The following EYS variants were observed in gnomAD, a reference collection of about 807,000 sequenced individuals.
The protein encoded by EYS is protein eyes shut homolog.
In EYS, 250 loss-of-function variants were observed where a neutral mutation model predicts 282.1. That is an observed-to-expected ratio of 0.89 (90% CI 0.80 to 0.98). The LOEUF (loss-of-function observed/expected upper bound fraction) is 0.98. Among genes scored for constraint, EYS ranks in the 50% least tolerant of loss-of-function variants. The pLI is 0.00. For missense variants in EYS, 4,016 were observed against 3,709.0 expected (o/e 1.08, Z -2.15); for synonymous variants, 1,355 against 1,282.9 (o/e 1.06, Z -1.20).
rs1246580370 is a variant in EYS, at chr6:64,416,113, A to G, written c.5927+20061T>C. ...GCAGATTTTTTGGCTACCTTCGCAC[A>G]TGAATTTCTTCAGAGTAGTGGCAGA... On this transcript the variant is annotated intron_variant, in intron 28 of 42. Transcript: ENST00000503581. 3.3e-5 allele frequency among the ~76,000 whole-genome samples: 5 copies of G among 152,190 alleles called. No homozygotes were observed. The East Asian group carries it at 9.6e-4, about 29-fold the overall frequency.
At position 65,332,418 on chromosome 6, in the gene EYS, C is replaced by T. The variant is rs1027335045; in HGVS notation, c.1766+2562G>A. 2.9e-6 allele frequency: 4 copies of T among 1,378,802 alleles called. No individual in the cohort carries two copies. In the African/African-American group the frequency reaches 5.8e-5, roughly 20 times the overall value. The allele number at this position is 1,378,802 out of a possible 1,614,324, so 85.4% of individuals were successfully genotyped here. A position where few individuals can be genotyped will look rare whatever the true frequency, so the allele number is the denominator to read the frequency against. ...TGGTATCACCGTGTTGAGGATTCTT[C>T]TGTGAATTAATTTGGGAAGAATTAA... On this transcript the variant is annotated intron_variant, in intron 11 of 42. Coordinates refer to ENST00000503581, the MANE Select transcript of EYS (RefSeq NM_001142800.2).
At chr6:64,916,060 A>G (rs1416854239) in intron 15 of EYS, among the ~76,000 whole-genome samples, 1 of 152,202 alleles carries the variant, frequency 6.6e-6, no homozygotes, top group Non-Finnish European at 1.5e-5. Flanking sequence ...CACTGTAAAT[A>G]TAACTATTCA....
chr6:64,303,172 C>T (rs1769295919), intron 30 of EYS, among the ~76,000 whole-genome samples: 1 of 152,188 alleles, frequency 6.6e-6, no homozygotes, highest in Non-Finnish European at 1.5e-5. Flanking sequence ...TACACTTAAG[C>T]ACCGACTTCC....
chr6:65,699,983 C>G (rs908317064), intron 1 of EYS, among the ~76,000 whole-genome samples: 2 of 151,452 alleles, frequency 1.3e-5, no homozygotes, highest in African/African-American at 2.4e-5. Context: ...GGCGTGGTGG[C>G]GGGCGCCTGT....
intron 19 of EYS, among the ~76,000 whole-genome samples, chr6:64,876,191 T>C (rs1766745537): frequency 6.6e-6 from 1 of 152,098 alleles, no homozygotes; most frequent in African/African-American, 2.4e-5. Flanking sequence ...CTCACATATA[T>C]TGTATTTTAA....
At position 65,460,100 on chromosome 6, in the gene EYS, T is replaced by C. The variant is rs200719933; in HGVS notation, c.862+30494A>G. ...ACACACACACACACACACACACACA[T>C]ACATATAAAATATCCTCTAAGAGAA... On this transcript the variant is annotated intron_variant, in intron 5 of 42. Coordinates refer to ENST00000503581, the MANE Select transcript of EYS (RefSeq NM_001142800.2). Among the ~76,000 whole-genome samples, 36 of 137,694 alleles carry C rather than the reference T, an allele frequency of 2.6e-4. No homozygotes were observed. The East Asian group carries it at 4.2e-3, about 16-fold the overall frequency. The allele number at this position is 137,694 out of a possible 152,430, so 90.3% of individuals were successfully genotyped here.
At chr6:64,626,865 G>A (rs1767626349) in intron 22 of EYS, among the ~76,000 whole-genome samples, 1 of 152,088 alleles carries the variant, frequency 6.6e-6, no homozygotes, top group African/African-American at 2.4e-5. Context: ...AAATCCAAGT[G>A]AACTGTTTGA....
chr6:65,707,220 G>A lies in EYS; in HGVS notation c.-533C>T, dbSNP rs1015366449. 2 of 152,086 alleles carry A rather than the reference G, an allele frequency of 1.3e-5. No homozygotes were observed. The highest frequency in any genetic ancestry group is 4.8e-5 in the African/African-American group (2 of 41,442). The allele number at this position is 152,086 out of a possible 1,614,324, so 9.4% of individuals were successfully genotyped here. On this transcript the variant is annotated 5_prime_UTR_variant, in exon 1 of 43. Transcript: ENST00000503581. ...GGACATGCCTAGCGTGTATCACTTT[G>A]TTTCTCAGAAGCCTAATCCAATAAA...
chr6:64,424,138 G>C (rs897867230), intron 28 of EYS, among the ~76,000 whole-genome samples: 1 of 152,062 alleles, frequency 6.6e-6, no homozygotes, highest in African/African-American at 2.4e-5. Context: ...TGACTCAAAA[G>C]TTGAGTTAAT....
At chr6:65,265,572 A>G (rs1390981108) in intron 12 of EYS, among the ~76,000 whole-genome samples, 3 of 152,072 alleles carry the variant, frequency 2.0e-5, no homozygotes, top group African/African-American at 7.2e-5. Flanking sequence ...ATGTGTATAG[A>G]GTATTGTTTA....
rs115058877 is a variant in EYS, at chr6:63,788,131, C to T, written c.7697G>A (p.Gly2566Glu). The T allele has an allele frequency of 5.5e-4, 843 of 1,542,856 alleles. 4 individuals carry two copies. In the African/African-American group the frequency reaches 0.01, roughly 19 times the overall value. Residue 2566 changes from glycine (G) to glutamate (E), a missense_variant, in exon 39 of 43, where the codon GGA (glycine) becomes GAA (glutamate). Coordinates refer to ENST00000503581, the MANE Select transcript of EYS (RefSeq NM_001142800.2). ...TTGAAAACCATTTTTAAAATCTGCTCCATTTGGTAAGAGATCTGGAGTGTA... is the reference window on the plus strand; with the variant it reads ...TTGAAAACCATTTTTAAAATCTGCTTCATTTGGTAAGAGATCTGGAGTGTA... The part of the protein sequence containing the change: ...SEYTPDLLPN[G>E]ADFKNGFQGC...
intron 12 of EYS, among the ~76,000 whole-genome samples, chr6:65,288,875 T>C (rs1480694229): frequency 1.3e-5 from 2 of 151,162 alleles, no homozygotes; most frequent in African/African-American, 4.8e-5. Context: ...TATTAAAATA[T>C]GGTAAGCTAA....
chr6:64,117,042 A>C (rs1773408655), intron 31 of EYS, among the ~76,000 whole-genome samples: 1 of 152,102 alleles, frequency 6.6e-6, no homozygotes, highest in African/African-American at 2.4e-5. Context: ...AAAAGTCACA[A>C]TTGAATTACA....
At chr6:64,008,201 C>T (rs992328100) in intron 33 of EYS, among the ~76,000 whole-genome samples, 10 of 151,846 alleles carry the variant, frequency 6.6e-5, no homozygotes, top group Admixed American at 2.0e-4. Flanking sequence ...GTCTTTTTTT[C>T]GAATTGAACC....
intron 31 of EYS, among the ~76,000 whole-genome samples, chr6:64,112,190 T>C (rs889381957): frequency 6.6e-6 from 1 of 152,088 alleles, no homozygotes; most frequent in African/African-American, 2.4e-5. Context: ...ATATGTTGTT[T>C]TAAAGAGTTT....
chr6:65,226,984 C>G (rs1433915788), intron 12 of EYS, among the ~76,000 whole-genome samples: 1 of 152,016 alleles, frequency 6.6e-6, no homozygotes, highest in African/African-American at 2.4e-5. Context: ...CCTGTAATCC[C>G]AGCACTTTGG....
chr6:65,295,829 G>C, intron 12 of EYS, 34 bp downstream of exon 12: 2 of 1,470,322 alleles, frequency 1.4e-6, no homozygotes, highest in Non-Finnish European at 1.8e-6. Flanking sequence ...TTATTTACTA[G>C]AAAATTTAAT....
intron 30 of EYS, among the ~76,000 whole-genome samples, chr6:64,233,745 T>C (rs1206202786): frequency 6.6e-6 from 1 of 152,038 alleles, no homozygotes; most frequent in Non-Finnish European, 1.5e-5. Context: ...AGTGTCTGAA[T>C]AACATATGCT....
rs187610124 is a variant in EYS at position 65,275,036 on chromosome 6, C to G, written c.2023+20827G>C. On this transcript the variant is annotated intron_variant, in intron 12 of 42. Coordinates refer to ENST00000503581, the MANE Select transcript of EYS (RefSeq NM_001142800.2). ...GAAAAGCTGCTAGTTTGAGTGGGACCCATAATAAGGGAGGGTTTTAGGGGA... is the reference window on the plus strand; with the variant it reads ...GAAAAGCTGCTAGTTTGAGTGGGACGCATAATAAGGGAGGGTTTTAGGGGA... 3.2e-3 allele frequency among the ~76,000 whole-genome samples: 480 copies of G among 151,996 alleles called. 4 individuals are homozygous for G. Among genetic ancestry groups the G allele is most frequent in the African/African-American group, 0.011 (451 of 41,446 alleles).
Sources: gnomAD v4.1 joint callset for allele counts (sites outside exome capture counted in the v4.1 genomes callset) on GRCh38, gnomAD v4.1.1 for gene constraint, MANE v1.5 for transcripts, NCBI Gene and HGNC (gene_info 2026-07-23, HGNC 2026-07-21) for gene names.